CASC3: variants seen among roughly 807,000 people sequenced by gnomAD.
CASC3 encodes the protein protein CASC3.
A neutral mutation model predicts 80.5 loss-of-function variants in CASC3; 30 were observed. That is an observed-to-expected ratio of 0.37 (90% confidence interval 0.28 to 0.51). The LOEUF (loss-of-function observed/expected upper bound fraction) is 0.51. Ranked by LOEUF, CASC3 falls within the 20% of genes least tolerant of loss-of-function variation. The pLI, the probability that CASC3 is intolerant of heterozygous loss-of-function variation, is 0.94. For synonymous variants in CASC3, 312 were observed against 333.6 expected (o/e 0.94, Z 0.70); for missense variants, 824 against 922.2 (o/e 0.89, Z 1.38).
At chr17:40,165,545 G>T (rs1989426834) in intron 7 of CASC3, among the ~76,000 whole-genome samples, 1 of 152,086 alleles carries the variant, frequency 6.6e-6, no homozygotes, top group Non-Finnish European at 1.5e-5. Flanking sequence ...AAAAGTAGAA[G>T]AAGACAACGT....
intron 3 of CASC3, among the ~76,000 whole-genome samples, chr17:40,151,512 C>G (rs761519366): frequency 6.6e-6 from 1 of 151,652 alleles, no homozygotes; most frequent in African/African-American, 2.4e-5. Flanking sequence ...ACGCCTGGCC[C>G]GTAAGACCTT....
At chr17:40,151,167 G>A (rs905476690) in intron 3 of CASC3, among the ~76,000 whole-genome samples, 2 of 152,054 alleles carry the variant, frequency 1.3e-5, no homozygotes, top group South Asian at 2.1e-4. Flanking sequence ...CCAGGAGTTC[G>A]AGACCAGCCT....
At chr17:40,159,399 T>C (rs1218223613) in intron 3 of CASC3, among the ~76,000 whole-genome samples, 2 of 152,154 alleles carry the variant, frequency 1.3e-5, no homozygotes, top group Non-Finnish European at 2.9e-5. Context: ...TGTTTGTTTT[T>C]GAGACAGTCT....
chr17:40,141,531 T>C (rs1197812785), intron 2 of CASC3, 39 bp from the exon 3 acceptor site: 2 of 1,591,778 alleles, frequency 1.3e-6, no homozygotes, highest in Admixed American at 1.7e-5. Flanking sequence ...AAAATGTTTC[T>C]GGGTTTCTTT....
Position 40,169,681 on chromosome 17 carries a change from G to A in CASC3, c.*41+19G>A. 9.2e-7 allele frequency: 1 copy of A among 1,087,612 alleles called. No individual in the cohort carries two copies. Among genetic ancestry groups the A allele is most frequent in the Non-Finnish European group, 1.2e-6 (1 of 810,336 alleles). 67.4% of individuals were successfully genotyped at this position (1,087,612 alleles called of 1,614,324 possible). A position where few individuals can be genotyped will look rare whatever the true frequency, so the allele number is the denominator to read the frequency against. On this transcript the variant is annotated intron_variant, in intron 13 of 13. Coordinates refer to ENST00000264645, the MANE Select transcript of CASC3 (RefSeq NM_007359.5). Reference sequence around the variant, plus strand: ...TATAAAAGTAAGTGCACAACTTACTGTGAATATTGTTAAAACTAATGCTCA... The same window carrying A: ...TATAAAAGTAAGTGCACAACTTACTATGAATATTGTTAAAACTAATGCTCA...
At position 40,162,814 on chromosome 17, in the gene CASC3, G is replaced by A. The variant is rs759823950; in HGVS notation, c.698G>A (p.Arg233Gln). The change falls in exon 6 of 14, where the codon CGA becomes CAA. Residue 233 changes from arginine to glutamine, a missense_variant. Coordinates refer to ENST00000264645, the MANE Select transcript of CASC3 (RefSeq NM_007359.5). ...GAAGATGAGCAGGCCCCAAAGTCCC[G>A]ACAGGAGCTCATTGCTCTTTATGGT... ...FREDEQAPKS[R>Q]QELIALYGYD... The A allele has an allele frequency of 4.9e-5, 79 of 1,614,004 alleles. No individual in the cohort carries two copies. Among genetic ancestry groups the A allele is most frequent in the Non-Finnish European group, 6.2e-5 (73 of 1,180,022 alleles).
chr17:40,171,050 T>G lies in CASC3; in HGVS notation c.*645T>G, dbSNP rs1989581312. 1.0e-6 allele frequency: 1 copy of G among 985,612 alleles called. No homozygotes were observed. The highest frequency in any genetic ancestry group is 1.2e-6 in the Non-Finnish European group (1 of 829,932). 61.1% of individuals were successfully genotyped at this position (985,612 alleles called of 1,614,324 possible). ...TTTGTTATCCTCTTGTATACTTGTA[T>G]TCCCTTAACTCTAACCCTGTGGAAG... On this transcript the variant is annotated 3_prime_UTR_variant, in exon 14 of 14. Transcript: ENST00000264645.
chr17:40,155,209 G>A (rs1256537629), intron 3 of CASC3, among the ~76,000 whole-genome samples: 1 of 151,472 alleles, frequency 6.6e-6, no homozygotes, highest in Non-Finnish European at 1.5e-5. Flanking sequence ...TTTTGCACGT[G>A]ACGATTTTGG....
Position 40,171,721 on chromosome 17 carries a change from C to G in CASC3, c.*1316C>G. 1 of 1,118,468 alleles carries G rather than the reference C, an allele frequency of 8.9e-7. No individual in the cohort carries two copies. The highest frequency in any genetic ancestry group is 1.1e-6 in the Non-Finnish European group (1 of 906,054). 69.3% of individuals were successfully genotyped at this position (1,118,468 alleles called of 1,614,324 possible). A position where few individuals can be genotyped will look rare whatever the true frequency, so the allele number is the denominator to read the frequency against. ...AGTACATACGTCTGCCAGGGGTAAC[C>G]TGGCCACTGTCCCTGTCCTTCTACA... On this transcript the variant is annotated 3_prime_UTR_variant, in exon 14 of 14. Transcript: ENST00000264645.
At chr17:40,148,830 G>A (rs1988924592) in intron 3 of CASC3, among the ~76,000 whole-genome samples, 1 of 152,156 alleles carries the variant, frequency 6.6e-6, no homozygotes, top group Admixed American at 6.6e-5. Context: ...GCTTTGTTAT[G>A]CACTTACATT....
At chr17:40,150,372 AAAAC>A (rs1454925952) in intron 3 of CASC3, among the ~76,000 whole-genome samples, 1 of 151,498 alleles carries the variant, frequency 6.6e-6, no homozygotes, top group Admixed American at 6.6e-5. Flanking sequence ...ACTCTCGAAA[AAAAC>A]AAAAGAATGA....
In CASC3 at chr17:40,152,965, CAG is replaced by C. The variant is rs367580949; in HGVS notation, c.298-8787_298-8786del. Among the ~76,000 whole-genome samples the C allele has an allele frequency of 9.2e-4, 140 of 151,502 alleles. No individual in the cohort carries two copies. The Middle Eastern group carries it at 0.034, about 37-fold the overall frequency. On this transcript the variant is annotated intron_variant, in intron 3 of 13. Transcript: ENST00000264645. ...CTAATTTTTTTATTTTTAGTAGAGA[CAG>C]GGTTTCACCATGTTGCCCAGGCTGG...
chr17:40,140,795 C>T lies in CASC3; in HGVS notation c.231+16C>T. 1 of 165,410 alleles carries T rather than the reference C, an allele frequency of 6.0e-6. No individual in the cohort carries two copies. Among genetic ancestry groups the T allele is most frequent in the Non-Finnish European group, 7.7e-6 (1 of 129,348 alleles). The allele number at this position is 165,410 out of a possible 1,614,324, so 10.2% of individuals were successfully genotyped here. ...GTCGGAGTGTGTGAGTGCGCGCAGG[C>T]GGGGCGGGGTGGGGACCGGGCGGCG... On this transcript the variant is annotated intron_variant, in intron 1 of 13. Coordinates refer to ENST00000264645, the MANE Select transcript of CASC3 (RefSeq NM_007359.5).
Position 40,141,223 on chromosome 17 carries a change from T to C in CASC3, c.248T>C (p.Ile83Thr). 1 of 1,613,994 alleles carries C rather than the reference T, an allele frequency of 6.2e-7. No homozygotes were observed. Residue 83 changes from isoleucine (I) to threonine (T), a missense_variant, in exon 2 of 14, where the codon ATT becomes ACT. This residue lies in a region of CASC3 where 159 missense variants were observed against 122.2 expected (regional missense o/e 1.30). Coordinates refer to ENST00000264645, the MANE Select transcript of CASC3 (RefSeq NM_007359.5). Reference sequence around the variant, plus strand: ...TTCTTTCAGGAGAGTGAAGATGGCATTGAAGGTGATGGTGAGTAGCATCTT... The same window carrying C: ...TTCTTTCAGGAGAGTGAAGATGGCACTGAAGGTGATGGTGAGTAGCATCTT... ...EESECESEDG[I>T]EGDAVLSDYE...
chr17:40,168,162 A>T, intron 10 of CASC3, 41 bp from the exon 11 acceptor site: 1 of 1,556,616 alleles, frequency 6.4e-7, no homozygotes, highest in Non-Finnish European at 8.9e-7. Flanking sequence ...TGTGAAAATG[A>T]TGTTACTTTA....
At chr17:40,151,855 T>A (rs2145161841) in intron 3 of CASC3, among the ~76,000 whole-genome samples, 1 of 152,346 alleles carries the variant, frequency 6.6e-6, no homozygotes, top group African/African-American at 2.4e-5. Flanking sequence ...GTCTGGCCTC[T>A]TTCAGTATAA....
chr17:40,167,517 C>T lies in CASC3; in HGVS notation c.1556C>T (p.Ala519Val). ...MEEMGVQGGR[A>V]KRYSSQRQRP... ...TCTCAGGGTGTCCAGGGTGGTCGAGCCAAACGCTATTCATCCCAGCGGCAA... is the reference window on the plus strand; with the variant it reads ...TCTCAGGGTGTCCAGGGTGGTCGAGTCAAACGCTATTCATCCCAGCGGCAA... Residue 519 changes from alanine (A) to valine (V), a missense_variant, in exon 9 of 14, where the codon GCC becomes GTC. By Grantham distance (64) the Ala-to-Val change is moderately conservative (BLOSUM62 0). Coordinates refer to ENST00000264645, the MANE Select transcript of CASC3 (RefSeq NM_007359.5). 1 of 1,613,954 alleles carries T rather than the reference C, an allele frequency of 6.2e-7. No homozygotes were observed. Among genetic ancestry groups the T allele is most frequent in the Non-Finnish European group, 8.5e-7 (1 of 1,179,942 alleles).
intron 3 of CASC3, among the ~76,000 whole-genome samples, chr17:40,147,128 A>C (rs1271611429): frequency 1.3e-5 from 2 of 152,148 alleles, no homozygotes; most frequent in African/African-American, 4.8e-5. Context: ...AGTACCACTG[A>C]AGGCTTAAAT....
chr17:40,154,105 G>GTTTTTTT (rs548654217), intron 3 of CASC3, among the ~76,000 whole-genome samples: 2 of 76,764 alleles, frequency 2.6e-5, no homozygotes, highest in African/African-American at 5.4e-5. Flanking sequence ...GATGCTGAGC[G>GTTTTTTT]TTTTTTTTTT....
Sources: allele counts gnomAD v4.1 joint callset (sites outside exome capture counted in the v4.1 genomes callset), GRCh38; gene constraint gnomAD v4.1.1; regional missense constraint gnomAD v4.1.1; transcripts MANE v1.5; gene names NCBI Gene and HGNC (gene_info 2026-07-23, HGNC 2026-07-21).